The following PIK3AP1 variants were observed in gnomAD, a reference collection of about 807,000 sequenced individuals.
PIK3AP1 encodes phosphoinositide 3-kinase adapter protein 1.
In PIK3AP1, 21 loss-of-function variants were observed where a neutral mutation model predicts 88.1. The ratio of observed to expected loss-of-function variants is 0.24; its 90% confidence interval spans 0.17 to 0.34. PIK3AP1 has a LOEUF of 0.34. PIK3AP1 is among the 10% of genes least tolerant of loss of function. PIK3AP1 has a pLI of 1.00. For synonymous variants in PIK3AP1, 398 were observed against 400.0 expected, an observed-to-expected ratio of 1.00 and a Z score of 0.06; for missense variants, 828 against 1,035.7, an observed-to-expected ratio of 0.80 and a Z score of 2.75.
At chr10:96,678,696 C>A (rs1010331522) in intron 2 of PIK3AP1, among the ~76,000 whole-genome samples, 9 of 152,170 alleles carry the variant, frequency 5.9e-5, no homozygotes, top group Non-Finnish European at 8.8e-5. Flanking sequence ...CAACCTATGA[C>A]CCACCTCTCC....
rs1489711924 is a variant in PIK3AP1 at position 96,594,544 on chromosome 10, G to GCTGA, written c.*1029_*1032dup. ...GACACAGAACCCATGGATTTGAAAGGCTGACTGTATTTCTATTTTAGGTTT... is the reference window on the plus strand; with the variant it reads ...GACACAGAACCCATGGATTTGAAAGGCTGACTGACTGTATTTCTATTTTAGGTTT... On this transcript the variant is annotated 3_prime_UTR_variant, in exon 17 of 17. Transcript: ENST00000339364. This position sits in a 1 kb window ranked among gnomAD's most constrained non-coding sequence, Gnocchi z 4.6. 1 of 152,086 alleles carries GCTGA rather than the reference G, an allele frequency of 6.6e-6. No homozygotes were observed. The highest frequency in any genetic ancestry group is 1.5e-5 in the Non-Finnish European group (1 of 68,028). The allele number at this position is 152,086 out of a possible 1,614,324, so 9.4% of individuals were successfully genotyped here.
At chr10:96,607,130 T>G (rs1328653264) in intron 14 of PIK3AP1, among the ~76,000 whole-genome samples, 2 of 151,878 alleles carry the variant, frequency 1.3e-5, no homozygotes, top group Non-Finnish European at 2.9e-5. Flanking sequence ...AAAAACAGTG[T>G]TTTTTTTAGG....
At chr10:96,662,453 A>C (rs1843700788) in intron 2 of PIK3AP1, among the ~76,000 whole-genome samples, 2 of 151,852 alleles carry the variant, frequency 1.3e-5, no homozygotes, top group South Asian at 4.1e-4. Context: ...AATACAAAAA[A>C]TTAGCCAGGC....
intron 14 of PIK3AP1, among the ~76,000 whole-genome samples, chr10:96,604,460 A>G (rs2134184218): frequency 6.7e-6 from 1 of 150,122 alleles, no homozygotes; most frequent in African/African-American, 2.5e-5. Context: ...AGCCTCTCAA[A>G]GTGCTAGAAT....
intron 2 of PIK3AP1, among the ~76,000 whole-genome samples, chr10:96,674,195 A>T (rs1204335044): frequency 2.0e-5 from 3 of 152,222 alleles, no homozygotes; most frequent in African/African-American, 7.2e-5. Flanking sequence ...CCAATATTAA[A>T]ATCAGGGCTA....
At position 96,711,725 on chromosome 10, in the gene PIK3AP1, G is replaced by A. The variant is rs183170589; in HGVS notation, c.14-1742C>T. 2.1e-4 allele frequency among the ~76,000 whole-genome samples: 30 copies of A among 140,838 alleles called. No individual in the cohort carries two copies. In the East Asian group the frequency reaches 6.1e-3, roughly 29 times the overall value. The allele number at this position is 140,838 out of a possible 152,430, so 92.4% of individuals were successfully genotyped here. On this transcript the variant is annotated intron_variant, in intron 1 of 16. Coordinates refer to ENST00000339364, the MANE Select transcript of PIK3AP1 (RefSeq NM_152309.3). ...CCAACATAGTTCTGATTTCCCCCAG[G>A]ATGAGATTACCAAATTTTTTTTTTT...
chr10:96,666,570 A>T (rs1415809405), intron 2 of PIK3AP1, among the ~76,000 whole-genome samples: 1 of 152,176 alleles, frequency 6.6e-6, no homozygotes, highest in African/African-American at 2.4e-5. Flanking sequence ...TATGAATTTT[A>T]AATGTAATAA....
intron 3 of PIK3AP1, among the ~76,000 whole-genome samples, chr10:96,653,778 G>A (rs776051185): frequency 2.0e-5 from 3 of 152,086 alleles, no homozygotes; most frequent in Non-Finnish European, 4.4e-5. Flanking sequence ...GTGAACCACC[G>A]CGCCTGGCCA....
At chr10:96,680,082 C>T (rs1843979420) in intron 2 of PIK3AP1, among the ~76,000 whole-genome samples, 1 of 152,184 alleles carries the variant, frequency 6.6e-6, no homozygotes, top group South Asian at 2.1e-4. Context: ...AGAACACAGC[C>T]TCAGCCCTTT....
intron 2 of PIK3AP1, among the ~76,000 whole-genome samples, chr10:96,695,230 G>A (rs1311056752): frequency 2.6e-5 from 4 of 152,174 alleles, no homozygotes; most frequent in Non-Finnish European, 2.9e-5. Flanking sequence ...TAACAGGTTG[G>A]TTCTGTTTGG....
rs567664840 is a variant in PIK3AP1 at position 96,651,575 on chromosome 10, A to G, written c.789T>C (p.Tyr263=). The G allele has an allele frequency of 1.9e-6, 3 of 1,614,228 alleles. No homozygotes were observed. The highest frequency in any genetic ancestry group is 1.3e-5 in the African/African-American group (1 of 75,062). ...AATTCCCAATTTCTTCCATGTCAGT[A>G]TAATAGCTGATAACGGTTTCACACA... is the stretch of plus-strand genomic sequence containing the variant. ...LVVCETVISY[Y]TDMEEIGNLL... is the part of the protein sequence containing the mutation. Residue 263 remains tyrosine (Y), a synonymous_variant, in exon 5 of 17, where the codon TAT becomes TAC. Transcript: ENST00000339364.
intron 8 of PIK3AP1, among the ~76,000 whole-genome samples, chr10:96,636,094 CAGTAA>C (rs1843308678): frequency 6.6e-6 from 1 of 151,666 alleles, no homozygotes; most frequent in East Asian, 1.9e-4. Context: ...TGGCGTGCAC[CAGTAA>C]TCTCAGCTAA....
At position 96,609,776 on chromosome 10, in the gene PIK3AP1, G is replaced by T. The variant is rs1849073303; in HGVS notation, c.2106C>A (p.Val702=). ...GVYESGPRKS[V]IPPRTELRRG... is the part of the protein sequence containing the mutation. ...GTCTCAGCTCCGTCCTAGGGGGAAT[G>T]ACACTTTTCCTGGGGCCACTCTCAT... Residue 702 remains valine, a synonymous_variant, in exon 14 of 17, where the codon GTC becomes GTA. Coordinates refer to ENST00000339364, the MANE Select transcript of PIK3AP1 (RefSeq NM_152309.3). The T allele has an allele frequency of 6.2e-7, 1 of 1,614,028 alleles. No individual in the cohort carries two copies. The highest frequency in any genetic ancestry group is 1.3e-5 in the African/African-American group (1 of 74,912).
At chr10:96,601,689 G>A (rs1376266798) in intron 16 of PIK3AP1, among the ~76,000 whole-genome samples, 1 of 152,140 alleles carries the variant, frequency 6.6e-6, no homozygotes, top group Non-Finnish European at 1.5e-5. Flanking sequence ...TCCAGCCAAG[G>A]GAATTAGTTA....
intron 2 of PIK3AP1, chr10:96,700,823 C>T (rs1335657916): frequency 3.0e-6 from 3 of 985,512 alleles, no homozygotes; most frequent in Admixed American, 6.1e-5. Flanking sequence ...GCCACGACAC[C>T]GAGCAGAGCG....
chr10:96,629,258 T>C (rs1274971466), intron 8 of PIK3AP1, among the ~76,000 whole-genome samples: 1 of 152,034 alleles, frequency 6.6e-6, no homozygotes, highest in Non-Finnish European at 1.5e-5. Context: ...ATAGTACAAA[T>C]TGTTTATGAA....
At chr10:96,642,537 A>G (rs1266638440) in intron 8 of PIK3AP1, among the ~76,000 whole-genome samples, 2 of 152,236 alleles carry the variant, frequency 1.3e-5, no homozygotes, top group African/African-American at 4.8e-5. Flanking sequence ...AAGAAAAGAA[A>G]GAAAAATGTG....
intron 2 of PIK3AP1, among the ~76,000 whole-genome samples, chr10:96,687,255 C>CAAAAAAAAAA (rs59631566): frequency 5.1e-4 from 28 of 55,330 alleles, no homozygotes; most frequent in African/African-American, 1.1e-3. Context: ...TACTCCATCT[C>CAAAAAAAAAA]AAAAAAAAAA....
intron 2 of PIK3AP1, among the ~76,000 whole-genome samples, chr10:96,673,401 G>C (rs532688146): frequency 4.6e-5 from 7 of 152,278 alleles, no homozygotes; most frequent in African/African-American, 1.7e-4. Flanking sequence ...CTGTGAGAAA[G>C]TGCTCCCCTC....
Sources: allele counts gnomAD v4.1 joint callset (sites outside exome capture counted in the v4.1 genomes callset), GRCh38; gene constraint gnomAD v4.1.1; non-coding constraint Gnocchi (gnomAD v3.1); transcripts MANE v1.5; gene names NCBI Gene and HGNC (gene_info 2026-07-23, HGNC 2026-07-21).